The following TAFA1 variants were observed in gnomAD, a reference collection of about 807,000 sequenced individuals.
TAFA1 encodes the protein TAFA chemokine like family member 1.
A neutral mutation model predicts 18.5 loss-of-function variants in TAFA1; 4 were observed. The ratio of observed to expected loss-of-function variants is 0.22; its 90% confidence interval spans 0.11 to 0.49. The LOEUF is 0.49. Ranked by LOEUF, TAFA1 falls within the 20% of genes least tolerant of loss-of-function variation. The probability of loss-of-function intolerance (pLI) is 0.98; values close to 1 mark genes in which losing one functional copy is unlikely to be tolerated. For missense variants in TAFA1, 147 were observed against 169.0 expected, an observed-to-expected ratio of 0.87 and a Z score of 0.72; for synonymous variants, 56 against 55.2, an observed-to-expected ratio of 1.01 and a Z score of -0.06.
chr3:68,227,850 A>G (rs906052959), intron 2 of TAFA1, among the ~76,000 whole-genome samples: 2 of 152,124 alleles, frequency 1.3e-5, no homozygotes, highest in African/African-American at 2.4e-5. Context: ...TTCCCACTAC[A>G]TGTGCTCCAT....
Position 68,038,752 on chromosome 3 carries a change from C to T in TAFA1, c.118+32008C>T, listed in dbSNP as rs193288500. ...ACATTAAAAGTAGGAAGATAAACAA[C>T]AACCCTAGTTTCTTAGAGATGTTTA... On this transcript the variant is annotated intron_variant, in intron 2 of 4. Transcript: ENST00000478136. Among the ~76,000 whole-genome samples the T allele has an allele frequency of 6.4e-4, 98 of 152,146 alleles. No individual in the cohort carries two copies. The Middle Eastern group carries it at 0.044, about 69-fold the overall frequency.
intron 3 of TAFA1, among the ~76,000 whole-genome samples, chr3:68,505,312 G>A (rs2072728558): frequency 6.6e-6 from 1 of 152,076 alleles, no homozygotes; most frequent in African/African-American, 2.4e-5. Flanking sequence ...TCTTTTAACA[G>A]CTTCTCTTAC....
upstream of TAFA1, among the ~76,000 whole-genome samples, chr3:68,001,585 T>C (rs1216796466): frequency 6.6e-6 from 1 of 151,944 alleles, no homozygotes; most frequent in Non-Finnish European, 1.5e-5. Flanking sequence ...TGTTGTTTTT[T>C]TTTTTTTGGT....
chr3:68,458,222 C>G (rs1367648609), intron 3 of TAFA1, among the ~76,000 whole-genome samples: 2 of 152,100 alleles, frequency 1.3e-5, no homozygotes, highest in Non-Finnish European at 2.9e-5. Flanking sequence ...CTTCTCCAGC[C>G]ATGTAGGACA....
chr3:68,298,055 C>T (rs1575757181), intron 2 of TAFA1, among the ~76,000 whole-genome samples: 1 of 152,134 alleles, frequency 6.6e-6, no homozygotes, highest in East Asian at 1.9e-4. Flanking sequence ...TTTCCTTGCA[C>T]TTGGAGATGT....
intron 2 of TAFA1, among the ~76,000 whole-genome samples, chr3:68,143,840 G>T (rs374519360): frequency 7.9e-5 from 12 of 152,102 alleles, no homozygotes; most frequent in African/African-American, 2.2e-4. Flanking sequence ...TAAGATCCCT[G>T]CCAATCCTAG....
chr3:68,486,154 A>C (rs1211284522), intron 3 of TAFA1, among the ~76,000 whole-genome samples: 1 of 140,478 alleles, frequency 7.1e-6, no homozygotes, highest in Non-Finnish European at 1.5e-5. Context: ...TTTGGTAGAG[A>C]TAGGGTCTCA....
intron 2 of TAFA1, among the ~76,000 whole-genome samples, chr3:68,408,574 T>C (rs535789196): frequency 1.6e-4 from 25 of 152,316 alleles, no homozygotes; most frequent in South Asian, 4.1e-4. Flanking sequence ...TTCCTTCCTA[T>C]TTTCCTTTTC....
At chr3:68,381,055 G>T (rs2069939164) in intron 2 of TAFA1, among the ~76,000 whole-genome samples, 1 of 98,764 alleles carries the variant, frequency 1.0e-5, no homozygotes, top group African/African-American at 3.8e-5. Flanking sequence ...GTTTTTGTCA[G>T]GTTTGTCAAA....
At chr3:68,182,260 A>G (rs957483537) in intron 2 of TAFA1, among the ~76,000 whole-genome samples, 6 of 152,174 alleles carry the variant, frequency 3.9e-5, no homozygotes, top group African/African-American at 1.4e-4. Flanking sequence ...GTAACCCTTA[A>G]TGGATTTCTC....
intron 2 of TAFA1, among the ~76,000 whole-genome samples, chr3:68,409,083 C>G (rs2070664778): frequency 6.6e-6 from 1 of 152,100 alleles, no homozygotes; most frequent in African/African-American, 2.4e-5. Context: ...TAGAATATAA[C>G]TCACAGTATG....
intron 2 of TAFA1, among the ~76,000 whole-genome samples, chr3:68,248,628 G>A (rs1320213635): frequency 8.6e-5 from 13 of 151,622 alleles, no homozygotes; most frequent in Admixed American, 5.9e-4. Flanking sequence ...GCACCTGAAT[G>A]TGTGTTCAGA....
chr3:68,416,016 T>G (rs563580492), intron 2 of TAFA1, among the ~76,000 whole-genome samples: 6 of 152,308 alleles, frequency 3.9e-5, no homozygotes, highest in African/African-American at 1.4e-4. Context: ...TCCTGGGCAT[T>G]GTGGGATGTT....
chr3:68,367,472 G>A (rs1172455796), intron 2 of TAFA1, among the ~76,000 whole-genome samples: 1 of 152,154 alleles, frequency 6.6e-6, no homozygotes, highest in South Asian at 2.1e-4. Flanking sequence ...TCCATCAGCG[G>A]TCACATACCA....
chr3:68,429,154 G>C (rs1406179253), intron 3 of TAFA1, among the ~76,000 whole-genome samples: 1 of 151,804 alleles, frequency 6.6e-6, no homozygotes, highest in Non-Finnish European at 1.5e-5. Flanking sequence ...CTGGATATTT[G>C]CCTTGTTCTC....
rs74734148 is a variant in TAFA1, at chr3:68,404,832, G to A, written c.119-12448G>A. ...AAAAAAAAAAAGGATGGCTGGATTT[G>A]CAGTTTGAGATCAGTTTATGGCTCA... On this transcript the variant is annotated intron_variant, in intron 2 of 4. Transcript: ENST00000478136. 6.1e-3 allele frequency among the ~76,000 whole-genome samples: 927 copies of A among 151,450 alleles called. 19 individuals are homozygous for A. The East Asian group carries it at 0.064, about 10-fold the overall frequency.
At chr3:68,140,541 G>C (rs1448096313) in intron 2 of TAFA1, among the ~76,000 whole-genome samples, 1 of 152,128 alleles carries the variant, frequency 6.6e-6, no homozygotes, top group East Asian at 1.9e-4. Flanking sequence ...TTTTTTGAGT[G>C]CCTACCCTGC....
chr3:68,292,631 A>T (rs6809103), intron 2 of TAFA1, among the ~76,000 whole-genome samples: 1 of 152,100 alleles, frequency 6.6e-6, no homozygotes, highest in African/African-American at 2.4e-5. Context: ...GGCTCAAGTG[A>T]TCCTCCTGCC....
chr3:68,465,157 G>A (rs867704557), intron 3 of TAFA1, among the ~76,000 whole-genome samples: 1 of 152,126 alleles, frequency 6.6e-6, no homozygotes, highest in Non-Finnish European at 1.5e-5. Context: ...AGAGATCAGT[G>A]ATAAAGATCA....
Sources: gnomAD v4.1 joint callset for allele counts (sites outside exome capture counted in the v4.1 genomes callset) on GRCh38, gnomAD v4.1.1 for gene constraint, MANE v1.5 for transcripts, NCBI Gene and HGNC (gene_info 2026-07-23, HGNC 2026-07-21) for gene names.